The following SGCD variants were observed in gnomAD, a reference collection of about 807,000 sequenced individuals.
SGCD encodes sarcoglycan delta.
Under a neutral mutation model 36.6 loss-of-function variants are expected in SGCD, and 18 were observed. That is an observed-to-expected ratio of 0.49 (90% CI 0.34 to 0.73). The LOEUF (loss-of-function observed/expected upper bound fraction) is 0.73, where lower values mean the gene tolerates loss of function less well. SGCD is among the 30% of genes least tolerant of loss of function. The pLI, the probability that SGCD is intolerant of heterozygous loss-of-function variation, is 0.01. For missense variants in SGCD, 387 were observed against 346.7 expected (o/e 1.12, Z -0.92); for synonymous variants, 133 against 130.6 (o/e 1.02, Z -0.12).
chr5:156,035,685 G>A (rs1425780571), intron 1 of SGCD, among the ~76,000 whole-genome samples: 1 of 152,142 alleles, frequency 6.6e-6, no homozygotes, highest in Non-Finnish European at 1.5e-5. Flanking sequence ...TAATGGCAGA[G>A]GAGAAATGTA....
At chr5:156,404,679 A>G (rs945684790) in intron 3 of SGCD, among the ~76,000 whole-genome samples, 2 of 152,216 alleles carry the variant, frequency 1.3e-5, no homozygotes, top group African/African-American at 4.8e-5. Context: ...TAGATCATAT[A>G]TATTTTTTCT....
intron 3 of SGCD, among the ~76,000 whole-genome samples, chr5:156,473,429 G>C (rs945298166): frequency 2.6e-5 from 4 of 152,240 alleles, no homozygotes; most frequent in African/African-American, 9.6e-5. Context: ...GCAGGATAGA[G>C]AGGGACATTG....
At chr5:156,230,696 A>G (rs1167206603) in intron 3 of SGCD, among the ~76,000 whole-genome samples, 1 of 151,604 alleles carries the variant, frequency 6.6e-6, no homozygotes, top group Non-Finnish European at 1.5e-5. Context: ...GAACCTCCAC[A>G]TGCTGCTCTG....
chr5:156,329,647 CTT>C lies in SGCD; in HGVS notation c.3+71_3+72del, dbSNP rs1016713235. ...ATGGTCATTTTATTATTAACATAAA[CTT>C]TTGAAAAAGAGAACAAAGTGTTATA... On this transcript the variant is annotated intron_variant, in intron 2 of 8. Coordinates refer to ENST00000337851, the MANE Select transcript of SGCD (RefSeq NM_000337.6). 3.5e-6 allele frequency: 5 copies of C among 1,448,850 alleles called. No homozygotes were observed. In the African/African-American group the frequency reaches 7.1e-5, roughly 21 times the overall value. The allele number at this position is 1,448,850 out of a possible 1,614,324, so 89.7% of individuals were successfully genotyped here. A position where few individuals can be genotyped will look rare whatever the true frequency, so the allele number is the denominator to read the frequency against.
intron 6 of SGCD, among the ~76,000 whole-genome samples, chr5:156,635,660 AT>A (rs1242180540): frequency 1.3e-5 from 2 of 152,190 alleles, no homozygotes; most frequent in African/African-American, 2.4e-5. Context: ...GACAGACTGG[AT>A]TAAGAAAATG....
chr5:156,692,405 A>C (rs1170940147), intron 7 of SGCD, among the ~76,000 whole-genome samples: 1 of 152,214 alleles, frequency 6.6e-6, no homozygotes, highest in Admixed American at 6.5e-5. Context: ...AGCATGATGG[A>C]GTGGGGAGAA....
intron 3 of SGCD, among the ~76,000 whole-genome samples, chr5:156,457,195 T>C (rs1754299853): frequency 6.6e-6 from 1 of 152,212 alleles, no homozygotes; most frequent in Non-Finnish European, 1.5e-5. Context: ...CAGAGACACC[T>C]TATTTTCTTT....
At chr5:155,807,749 A>G in the SGCD span, among the ~76,000 whole-genome samples, 134,180 of 152,264 alleles carry the variant, frequency 0.88, 59,210 homozygotes, top group East Asian at 0.99. Context: ...TTGCATGTGT[A>G]TTTATTTGTT....
At chr5:156,092,872 G>T (rs978922926) in intron 1 of SGCD, among the ~76,000 whole-genome samples, 1 of 152,178 alleles carries the variant, frequency 6.6e-6, no homozygotes, top group African/African-American at 2.4e-5. Flanking sequence ...AAGTTTTATT[G>T]TTCTTACAAC....
At chr5:156,289,482 G>A (rs80105508) in intron 3 of SGCD, among the ~76,000 whole-genome samples, 2,119 of 151,520 alleles carry the variant, frequency 0.014, 23 homozygotes, top group Non-Finnish European at 0.024. Flanking sequence ...CACAGGCCCC[G>A]TTGTGTGTTG....
At chr5:156,346,663 T>C (rs1768957750) in intron 3 of SGCD, among the ~76,000 whole-genome samples, 1 of 152,224 alleles carries the variant, frequency 6.6e-6, no homozygotes, top group Admixed American at 6.5e-5. Flanking sequence ...TGGAAGATTA[T>C]ATGGTCAGTT....
intron 7 of SGCD, among the ~76,000 whole-genome samples, chr5:156,682,653 T>C (rs753940412): frequency 6.6e-6 from 1 of 152,174 alleles, no homozygotes; most frequent in Non-Finnish European, 1.5e-5. Flanking sequence ...AGAAAGCTGA[T>C]TGGAAATGTA....
chr5:156,048,068 C>G lies in SGCD; in HGVS notation c.-281-69810C>G, dbSNP rs955649784. The stretch of plus-strand genomic sequence containing the variant: ...ATTCCTACCTATGAGTGAGAACATG[C>G]GGTGTTTGGTTTTTTGCCCTTGCAA... On this transcript the variant is annotated intron_variant, in intron 1 of 9. Coordinates refer to the SGCD transcript ENST00000517913. Among the ~76,000 whole-genome samples, 6 of 152,098 alleles carry G rather than the reference C, an allele frequency of 3.9e-5. No homozygotes were observed. In the East Asian group the frequency reaches 9.7e-4, roughly 24 times the overall value.
At chr5:156,353,554 A>G (rs1769357227) in intron 3 of SGCD, among the ~76,000 whole-genome samples, 1 of 152,212 alleles carries the variant, frequency 6.6e-6, no homozygotes, top group Non-Finnish European at 1.5e-5. Context: ...TATTATTGGC[A>G]TTAGTTATAC....
chr5:156,220,990 T>C (rs569421545), intron 3 of SGCD, among the ~76,000 whole-genome samples: 9 of 152,242 alleles, frequency 5.9e-5, no homozygotes, highest in African/African-American at 2.2e-4. Context: ...TTTTAGTTAT[T>C]CTCTTGTCAG....
At chr5:156,524,083 G>C (rs368363717) in intron 4 of SGCD, among the ~76,000 whole-genome samples, 1 of 108,932 alleles carries the variant, frequency 9.2e-6, no homozygotes, top group South Asian at 3.1e-4. Context: ...ATGATGATAA[G>C]TGAGGTCTTA....
intron 1 of SGCD, among the ~76,000 whole-genome samples, chr5:156,020,607 C>G (rs1259479541): frequency 6.6e-6 from 1 of 152,112 alleles, no homozygotes; most frequent in Non-Finnish European, 1.5e-5. Context: ...GGATTAATTA[C>G]TAGCAATGAG....
At chr5:156,327,757 G>A (rs551936446) in intron 1 of SGCD, among the ~76,000 whole-genome samples, 1 of 152,300 alleles carries the variant, frequency 6.6e-6, no homozygotes, top group Admixed American at 6.5e-5. Context: ...AGATATGTGT[G>A]TATGGGTTTC....
chr5:156,237,842 G>C (rs1479514583), intron 3 of SGCD, among the ~76,000 whole-genome samples: 3 of 152,062 alleles, frequency 2.0e-5, no homozygotes, highest in African/African-American at 7.2e-5. Flanking sequence ...GGAGATACAG[G>C]ATACAAGAGT....
Sources: gnomAD v4.1 joint callset for allele counts (sites outside exome capture counted in the v4.1 genomes callset) on GRCh38, gnomAD v4.1.1 for gene constraint, MANE v1.5 for transcripts, NCBI Gene and HGNC (gene_info 2026-07-23, HGNC 2026-07-21) for gene names.